KCNQ5: variants seen among roughly 807,000 people sequenced by gnomAD.
KCNQ5 encodes potassium voltage-gated channel subfamily Q member 5, also known as potassium voltage-gated channel subfamily KQT member 5.
In KCNQ5, 30 loss-of-function variants were observed where a neutral mutation model predicts 98.2. The observed-to-expected ratio is 0.31, with a 90% CI of 0.23 to 0.41. The LOEUF is 0.41. KCNQ5 is among the 10% of genes least tolerant of loss of function. KCNQ5 has a pLI of 1.00. For missense variants in KCNQ5, 835 were observed against 1,182.5 expected, an observed-to-expected ratio of 0.71 and a Z score of 4.31; for synonymous variants, 458 against 449.4, an observed-to-expected ratio of 1.02 and a Z score of -0.24.
intron 11 of KCNQ5, among the ~76,000 whole-genome samples, chr6:73,174,151 A>G (rs981313785): frequency 6.6e-6 from 1 of 152,130 alleles, no homozygotes; most frequent in Admixed American, 6.5e-5. Flanking sequence ...ATTGCTATTA[A>G]AAGTTTCTAA....
intron 5 of KCNQ5, among the ~76,000 whole-genome samples, chr6:73,080,278 G>A (rs888067550): frequency 6.6e-6 from 1 of 152,038 alleles, no homozygotes; most frequent in African/African-American, 2.4e-5. Flanking sequence ...GTACTTAACA[G>A]GTTCCTGAAT....
intron 1 of KCNQ5, among the ~76,000 whole-genome samples, chr6:72,793,116 T>C (rs1774146288): frequency 6.6e-6 from 1 of 152,238 alleles, no homozygotes; most frequent in South Asian, 2.1e-4. Flanking sequence ...GCACCTTGAG[T>C]ATCCTGCTGG....
chr6:73,054,835 C>T (rs976110404), intron 3 of KCNQ5, among the ~76,000 whole-genome samples: 2 of 152,140 alleles, frequency 1.3e-5, no homozygotes, highest in Admixed American at 6.5e-5. Flanking sequence ...TACTGGAAGT[C>T]CTGGCCAGAG....
intron 1 of KCNQ5, among the ~76,000 whole-genome samples, chr6:72,874,094 A>G (rs1302807059): frequency 1.3e-5 from 2 of 151,940 alleles, no homozygotes; most frequent in African/African-American, 4.8e-5. Flanking sequence ...TTTAATTATG[A>G]TATCCTTTAA....
At chr6:73,025,779 A>G (rs1770853926) in intron 2 of KCNQ5, among the ~76,000 whole-genome samples, 1 of 152,070 alleles carries the variant, frequency 6.6e-6, no homozygotes, top group Non-Finnish European at 1.5e-5. Context: ...ACAATACCAA[A>G]TCTCACATTG....
At chr6:72,737,282 G>C (rs893417871) in intron 1 of KCNQ5, among the ~76,000 whole-genome samples, 6 of 152,076 alleles carry the variant, frequency 3.9e-5, no homozygotes, top group Non-Finnish European at 7.4e-5. Flanking sequence ...AGTAGTAACA[G>C]TTTGATCATA....
At chr6:72,878,655 A>T (rs957310872) in intron 1 of KCNQ5, among the ~76,000 whole-genome samples, 3 of 152,178 alleles carry the variant, frequency 2.0e-5, no homozygotes, top group Non-Finnish European at 4.4e-5. Context: ...ACATTTTCCC[A>T]GCCTACTTAA....
intron 10 of KCNQ5, among the ~76,000 whole-genome samples, chr6:73,141,065 T>TA (rs2150468419): frequency 6.6e-6 from 1 of 152,314 alleles, no homozygotes; most frequent in South Asian, 2.1e-4. Flanking sequence ...TGGACTGCTA[T>TA]AAAAAACATA....
chr6:72,847,387 C>G (rs529143822), intron 1 of KCNQ5, among the ~76,000 whole-genome samples: 68 of 152,310 alleles, frequency 4.5e-4, no homozygotes, highest in African/African-American at 1.6e-3. Flanking sequence ...TCTCGAACTC[C>G]TGGCCTCAGG....
intron 1 of KCNQ5, among the ~76,000 whole-genome samples, chr6:72,632,291 C>T (rs986678444): frequency 2.6e-5 from 4 of 152,008 alleles, no homozygotes; most frequent in African/African-American, 9.7e-5. Flanking sequence ...GCGCCCGCGA[C>T]CACCCCTGGC....
At chr6:73,033,057 A>G (rs1374552293) in intron 2 of KCNQ5, among the ~76,000 whole-genome samples, 2 of 152,148 alleles carry the variant, frequency 1.3e-5, no homozygotes, top group African/African-American at 4.8e-5. Context: ...ACCCATCCCT[A>G]AGGATCTAAA....
chr6:72,785,673 C>T (rs937014774), intron 1 of KCNQ5, among the ~76,000 whole-genome samples: 1 of 151,260 alleles, frequency 6.6e-6, no homozygotes, highest in Admixed American at 6.6e-5. Context: ...CAAAAACAAA[C>T]AAACACAAAA....
chr6:73,102,474 A>G (rs2150416392), intron 5 of KCNQ5, among the ~76,000 whole-genome samples: 1 of 152,300 alleles, frequency 6.6e-6, no homozygotes, highest in Non-Finnish European at 1.5e-5. Flanking sequence ...GGGAGAAAAT[A>G]TTTGCAAATT....
intron 10 of KCNQ5, among the ~76,000 whole-genome samples, chr6:73,164,473 T>A (rs931149952): frequency 2.0e-5 from 3 of 152,216 alleles, no homozygotes; most frequent in African/African-American, 7.2e-5. Flanking sequence ...GAGTATAATG[T>A]AATTGATGAC....
intron 11 of KCNQ5, among the ~76,000 whole-genome samples, chr6:73,187,995 C>T (rs1765445157): frequency 6.6e-6 from 1 of 152,154 alleles, no homozygotes; most frequent in South Asian, 2.1e-4. Context: ...TGTAGGTTCA[C>T]ATCTGGGCAG....
At chr6:72,812,859 T>C (rs1218243373) in intron 1 of KCNQ5, among the ~76,000 whole-genome samples, 1 of 152,218 alleles carries the variant, frequency 6.6e-6, no homozygotes, top group Non-Finnish European at 1.5e-5. Flanking sequence ...CTACCTACTG[T>C]CATAACAATT....
chr6:72,757,694 C>T (rs75297226), intron 1 of KCNQ5, among the ~76,000 whole-genome samples: 9,273 of 152,054 alleles, frequency 0.061, 918 homozygotes, highest in African/African-American at 0.21. Flanking sequence ...AAAATCATAG[C>T]GTAACCCTGG....
In KCNQ5 at chr6:73,197,525, A is replaced by G. The variant is rs925543577; in HGVS notation, c.*2111A>G. On this transcript the variant is annotated 3_prime_UTR_variant, in exon 14 of 14. Coordinates refer to ENST00000370398, the MANE Select transcript of KCNQ5 (RefSeq NM_019842.4). Reference sequence around the variant, plus strand: ...GAATGTTAGTAAATTATGAAAATCAATTTTTCATCTTCATTCAACCTGAAG... The same window carrying G: ...GAATGTTAGTAAATTATGAAAATCAGTTTTTCATCTTCATTCAACCTGAAG... 4.0e-5 allele frequency: 6 copies of G among 151,246 alleles called. No individual in the cohort carries two copies. Among genetic ancestry groups the G allele is most frequent in the African/African-American group, 1.5e-4 (6 of 41,144 alleles). 9.4% of individuals were successfully genotyped at this position (151,246 alleles called of 1,614,324 possible).
chr6:72,783,528 T>C (rs1773587711), intron 1 of KCNQ5, among the ~76,000 whole-genome samples: 1 of 152,236 alleles, frequency 6.6e-6, no homozygotes, highest in African/African-American at 2.4e-5. Flanking sequence ...TGTCTTTGCC[T>C]GTTCTCTCTA....
Sources: allele counts gnomAD v4.1 joint callset (sites outside exome capture counted in the v4.1 genomes callset), GRCh38; gene constraint gnomAD v4.1.1; transcripts MANE v1.5; gene names NCBI Gene and HGNC (gene_info 2026-07-23, HGNC 2026-07-21).